Variants in AASDH observed in about 807,000 individuals in gnomAD.
The protein encoded by AASDH is aminoadipate-semialdehyde dehydrogenase.
In AASDH, 81 loss-of-function variants were observed where a neutral mutation model predicts 102.3. The observed-to-expected ratio is 0.79, with a 90% CI of 0.66 to 0.95. The LOEUF (loss-of-function observed/expected upper bound fraction) is 0.95. Among genes scored for constraint, AASDH ranks in the 40% least tolerant of loss-of-function variants. The pLI is 0.00. For missense variants in AASDH, 1,203 were observed against 1,266.2 expected (o/e 0.95, Z 0.76); for synonymous variants, 398 against 454.0 (o/e 0.88, Z 1.57).
At chr4:56,355,932 A>C (rs79468210) in intron 5 of AASDH, among the ~76,000 whole-genome samples, 2,424 of 152,174 alleles carry the variant, frequency 0.016, 76 homozygotes, top group African/African-American at 0.055. Context: ...TTATCTTCCT[A>C]ATGTGGGTAT....
intron 13 of AASDH, 62 bp downstream of exon 13, chr4:56,343,500 A>T: frequency 7.0e-7 from 1 of 1,438,362 alleles, no homozygotes; most frequent in South Asian, 1.4e-5. Flanking sequence ...CAAAGCTCAA[A>T]GCAAAAATTT....
Position 56,353,584 on chromosome 4 carries a change from G to C in AASDH, c.1396C>G (p.Leu466Val), listed in dbSNP as rs770079811. 24 of 1,610,236 alleles carry C rather than the reference G, an allele frequency of 1.5e-5. No homozygotes were observed. The highest frequency in any genetic ancestry group is 2.0e-5 in the Non-Finnish European group (24 of 1,179,394). ...ACTGCACAAGACTCCACTTGCTGAA[G>C]CTCTTCAGCAACCTATAAGAGAGAT... ...IELVQQVAEE[L>V]QQVESCAVTW... Residue 466 changes from leucine to valine, a missense_variant, in exon 9 of 15, where the codon CTT (leucine) becomes GTT (valine). Physicochemically the swap from Leu to Val is conservative, Grantham distance 32. Coordinates refer to ENST00000205214, the MANE Select transcript of AASDH (RefSeq NM_181806.4).
chr4:56,356,366 T>C (rs748106268), intron 5 of AASDH: 2 of 1,587,930 alleles, frequency 1.3e-6, no homozygotes, highest in Non-Finnish European at 1.7e-6. Flanking sequence ...AAGTGCCTCC[T>C]GCGATTAACC....
intron 5 of AASDH, among the ~76,000 whole-genome samples, chr4:56,357,186 T>C (rs75869682): frequency 0.012 from 1,764 of 152,266 alleles, 33 homozygotes; most frequent in African/African-American, 0.038. Context: ...ACCAAAATAC[T>C]GTAGACTAGG....
Position 56,371,523 on chromosome 4 carries a change from T to C in AASDH, c.789A>G (p.Pro263=), listed in dbSNP as rs145821547. 2,579 of 1,613,166 alleles carry C rather than the reference T, an allele frequency of 1.6e-3. 2 individuals are homozygous for C. The highest frequency in any genetic ancestry group is 2.0e-3 in the Non-Finnish European group (2,317 of 1,179,896). The change falls in exon 5 of 15, where the codon CCA becomes CCG. Residue 263 remains proline (P), a synonymous_variant. Transcript: ENST00000205214. ...TTGATGGGAGCAACTTGACGGAAGT[T>C]GGTACAATAAGCAGAGAGGCACCAC... ...LSSGASLLIV[P]TSVKLLPSKL...
chr4:56,382,945 T>C (rs1488041867), intron 2 of AASDH, among the ~76,000 whole-genome samples: 1 of 152,174 alleles, frequency 6.6e-6, no homozygotes. Context: ...CAATCCCAGC[T>C]ACTTGGGAGG....
At chr4:56,339,740 C>A (rs1226703937) in intron 14 of AASDH, among the ~76,000 whole-genome samples, 38 of 101,058 alleles carry the variant, frequency 3.8e-4, no homozygotes, top group Non-Finnish European at 7.2e-4. Context: ...GATAGTGAGA[C>A]CTTGTTTCAA....
rs575687659 is a variant in AASDH at position 56,341,389 on chromosome 4, C to CTTTTTTTTTTTTT, written c.2907+1433_2907+1445dup. Among the ~76,000 whole-genome samples, 180 of 92,394 alleles carry CTTTTTTTTTTTTT rather than the reference C, an allele frequency of 1.9e-3. 16 individuals are homozygous for CTTTTTTTTTTTTT. The highest frequency in any genetic ancestry group is 5.5e-3 in the African/African-American group (128 of 23,146). 60.6% of individuals were successfully genotyped at this position (92,394 alleles called of 152,430 possible). On this transcript the variant is annotated intron_variant, in intron 14 of 14. Transcript: ENST00000205214. The stretch of plus-strand genomic sequence containing the variant: ...CATGGATGGAACTGGAGACTTTTAT[C>CTTTTTTTTTTTTT]TTTTTTTTTTTTTTTTTTTTTGGAG...
At chr4:56,373,689 A>G (rs1752003801) in intron 4 of AASDH, among the ~76,000 whole-genome samples, 1 of 152,214 alleles carries the variant, frequency 6.6e-6, no homozygotes. Flanking sequence ...TTCTTCACAT[A>G]TATTGTCTAG....
intron 4 of AASDH, among the ~76,000 whole-genome samples, chr4:56,377,504 T>A (rs1490040736): frequency 8.5e-5 from 13 of 152,212 alleles, no homozygotes; most frequent in Non-Finnish European, 1.8e-4. Flanking sequence ...TGCTCTGACA[T>A]TCTAGTAGGA....
intron 5 of AASDH, among the ~76,000 whole-genome samples, chr4:56,355,719 A>C (rs988010328): frequency 2.0e-5 from 3 of 151,398 alleles, no homozygotes; most frequent in Non-Finnish European, 4.4e-5. Context: ...CCCAGGCCCA[A>C]GTCATCATCC....
intron 9 of AASDH, 76 bp from the exon 10 acceptor site, chr4:56,351,533 C>A: frequency 2.6e-6 from 2 of 777,506 alleles, no homozygotes; most frequent in Non-Finnish European, 4.2e-6. Flanking sequence ...TATTCATTAG[C>A]CATATACATT....
chr4:56,371,422 A>G (rs372570430), intron 5 of AASDH, 29 bp downstream of exon 5: 64 of 1,561,462 alleles, frequency 4.1e-5, no homozygotes, highest in Middle Eastern at 3.4e-4. Context: ...AAAATGATAA[A>G]CAAAACGTTC....
At chr4:56,381,516 T>G (rs1008998943) in intron 3 of AASDH, among the ~76,000 whole-genome samples, 7 of 151,642 alleles carry the variant, frequency 4.6e-5, no homozygotes, top group African/African-American at 1.7e-4. Flanking sequence ...AGGCGGAGGT[T>G]GCAGTGAGCT....
chr4:56,360,372 GATC>G (rs1183595916), intron 5 of AASDH, among the ~76,000 whole-genome samples: 1 of 152,138 alleles, frequency 6.6e-6, no homozygotes, highest in East Asian at 1.9e-4. Context: ...CCTACTTCAA[GATC>G]ATCATTTCCA....
At chr4:56,362,848 G>A (rs1356514387) in intron 5 of AASDH, among the ~76,000 whole-genome samples, 3 of 152,158 alleles carry the variant, frequency 2.0e-5, no homozygotes, top group Admixed American at 6.5e-5. Flanking sequence ...TTCCAACTGA[G>A]GTACCAGGTT....
At position 56,361,812 on chromosome 4, in the gene AASDH, G is replaced by T. The variant is rs552466563; in HGVS notation, c.862-6389C>A. On this transcript the variant is annotated intron_variant, in intron 5 of 14. Transcript: ENST00000205214. ...ACAGGGAGACCCTGTCTCTACAAAA[G>T]ATTTTAAAAATTAGCCAGGCATGAT... 9.2e-5 allele frequency among the ~76,000 whole-genome samples: 14 copies of T among 151,998 alleles called. No individual in the cohort carries two copies. In the East Asian group the frequency reaches 2.1e-3, roughly 23 times the overall value.
chr4:56,343,050 T>G, intron 13 of AASDH, 84 bp from the exon 14 acceptor site: 81 of 1,291,414 alleles, frequency 6.3e-5, no homozygotes, highest in Non-Finnish European at 7.5e-5. Flanking sequence ...ATACATCTCC[T>G]AGGGTTAGAA....
At chr4:56,360,911 A>G (rs1560589473) in intron 5 of AASDH, among the ~76,000 whole-genome samples, 2 of 152,194 alleles carry the variant, frequency 1.3e-5, no homozygotes, top group Non-Finnish European at 2.9e-5. Context: ...TGGCAACACT[A>G]TAAGGCATCC....
Sources: gnomAD v4.1 joint callset for allele counts (sites outside exome capture counted in the v4.1 genomes callset) on GRCh38, gnomAD v4.1.1 for gene constraint, MANE v1.5 for transcripts, NCBI Gene and HGNC (gene_info 2026-07-23, HGNC 2026-07-21) for gene names.